DAPK1: variants seen among roughly 807,000 people sequenced by gnomAD.
DAPK1 encodes death associated protein kinase 1, also known as death-associated protein kinase 1.
In DAPK1, 56 loss-of-function variants were observed where a neutral mutation model predicts 144.9. The observed-to-expected ratio is 0.39, with a 90% CI of 0.31 to 0.48. The LOEUF (loss-of-function observed/expected upper bound fraction) is 0.48. Ranked by LOEUF, DAPK1 falls within the 20% of genes least tolerant of loss-of-function variation. DAPK1 has a pLI of 0.95. For missense variants in DAPK1, 1,454 were observed against 1,875.4 expected, an observed-to-expected ratio of 0.78 and a Z score of 4.15; for synonymous variants, 690 against 749.0, an observed-to-expected ratio of 0.92 and a Z score of 1.29.
chr9:87,668,354 G>A lies in DAPK1; in HGVS notation c.1924-243G>A, dbSNP rs36216043. 388 of 491,730 alleles carry A rather than the reference G, an allele frequency of 7.9e-4. 8 individuals carry two copies. In the East Asian group the frequency reaches 0.011, roughly 14 times the overall value. 30.5% of individuals were successfully genotyped at this position (491,730 alleles called of 1,614,324 possible). ...TAAACCTGTGGACCTGAAAGGTGTC[G>A]CTATTGGACAGGAAGACACCAACAT... On this transcript the variant is annotated intron_variant, in intron 18 of 25. Transcript: ENST00000408954.
In DAPK1 at chr9:87,697,167, T is replaced by C; in HGVS notation, c.2574T>C (p.Ser858=). 3.8e-6 allele frequency: 6 copies of C among 1,584,066 alleles called. No homozygotes were observed. Among genetic ancestry groups the C allele is most frequent in the Non-Finnish European group, 5.2e-6 (6 of 1,152,606 alleles). The change falls in exon 22 of 26, where the codon AGT becomes AGC. Residue 858 remains serine (S), a synonymous_variant. Transcript: ENST00000408954. ...IQLNQVIFWL[S]FLKSLVPVEE... ...TGAACCAAGTGATTTTCTGGCTCAG[T>C]TTCCTGAAGTCCCTTGTCCCAGTTG...
At chr9:87,637,031 A>G (rs753565892) in intron 3 of DAPK1, among the ~76,000 whole-genome samples, 1 of 152,178 alleles carries the variant, frequency 6.6e-6, no homozygotes, top group South Asian at 2.1e-4. Flanking sequence ...TACAGTCTGG[A>G]CAGAGAAATA....
chr9:87,664,145 G>A (rs1210169612), intron 18 of DAPK1, among the ~76,000 whole-genome samples: 1 of 151,986 alleles, frequency 6.6e-6, no homozygotes, highest in Non-Finnish European at 1.5e-5. Flanking sequence ...ACCTCCACCT[G>A]GGGCTCCTCT....
intron 2 of DAPK1, among the ~76,000 whole-genome samples, chr9:87,535,392 T>C (rs1032463462): frequency 3.3e-5 from 5 of 152,234 alleles, no homozygotes; most frequent in African/African-American, 1.2e-4. Context: ...CTAGTCTGTC[T>C]TTTGATATTG....
chr9:87,561,492 C>CT (rs1186266168), intron 2 of DAPK1, among the ~76,000 whole-genome samples: 3 of 151,976 alleles, frequency 2.0e-5, no homozygotes, highest in East Asian at 1.9e-4. Flanking sequence ...CACCACTGCA[C>CT]TCCAGCCTGG....
chr9:87,666,079 C>T (rs1160343578), intron 18 of DAPK1, among the ~76,000 whole-genome samples: 1 of 152,346 alleles, frequency 6.6e-6, no homozygotes, highest in African/African-American at 2.4e-5. Context: ...CTTTCCCTCT[C>T]AGACAGAAGG....
rs1456701755 is a variant in DAPK1, at chr9:87,560,635, T to C, written c.63-44319T>C. Among the ~76,000 whole-genome samples, 9 of 151,644 alleles carry C rather than the reference T, an allele frequency of 5.9e-5. No homozygotes were observed. In the East Asian group the frequency reaches 1.6e-3, roughly 26 times the overall value. Reference sequence around the variant, plus strand: ...TTCACTTAGCATGATGTCCTTGAGGTTCATCCACGTTGAGGCATGTGTCAG... The same window carrying C: ...TTCACTTAGCATGATGTCCTTGAGGCTCATCCACGTTGAGGCATGTGTCAG... On this transcript the variant is annotated intron_variant, in intron 2 of 25. Transcript: ENST00000408954.
intron 2 of DAPK1, among the ~76,000 whole-genome samples, chr9:87,588,598 T>G (rs998260753): frequency 9.2e-5 from 14 of 152,174 alleles, no homozygotes; most frequent in African/African-American, 3.4e-4. Context: ...GCATTCTTTC[T>G]CCCAACTGTG....
intron 2 of DAPK1, among the ~76,000 whole-genome samples, chr9:87,534,940 C>T (rs533685166): frequency 2.0e-5 from 3 of 152,036 alleles, no homozygotes; most frequent in South Asian, 2.1e-4. Flanking sequence ...CCACCCCGTC[C>T]GATTCTTGAT....
intron 2 of DAPK1, among the ~76,000 whole-genome samples, chr9:87,567,209 G>A (rs931982430): frequency 1.3e-5 from 2 of 152,182 alleles, no homozygotes; most frequent in Non-Finnish European, 2.9e-5. Context: ...CGTGGTGGCT[G>A]GTGCCAAGTC....
At chr9:87,683,192 C>T (rs1200892996) in intron 20 of DAPK1, among the ~76,000 whole-genome samples, 4 of 151,448 alleles carry the variant, frequency 2.6e-5, no homozygotes, top group Admixed American at 2.6e-4. Context: ...AAGTGATTCT[C>T]CTGCCTCAGC....
intron 2 of DAPK1, among the ~76,000 whole-genome samples, chr9:87,604,321 G>C (rs36207163): frequency 1.7e-3 from 258 of 152,234 alleles, no homozygotes; most frequent in African/African-American, 5.8e-3. Flanking sequence ...ATTTACAGTT[G>C]GGGGTGGAAT....
At chr9:87,551,028 C>A (rs1416875476) in intron 2 of DAPK1, among the ~76,000 whole-genome samples, 5 of 152,248 alleles carry the variant, frequency 3.3e-5, no homozygotes, top group South Asian at 2.1e-4. Flanking sequence ...TGGGTCCCCC[C>A]ACCTTGGCCA....
At chr9:87,531,743 T>C (rs7040394) in intron 2 of DAPK1, among the ~76,000 whole-genome samples, 131,753 of 152,210 alleles carry the variant, frequency 0.87, 57,051 homozygotes, top group East Asian at 0.94. Flanking sequence ...GAAAGTTCAA[T>C]TATTGTGTCT....
At chr9:87,679,881 C>T (rs1380466672) in intron 19 of DAPK1, among the ~76,000 whole-genome samples, 1 of 152,084 alleles carries the variant, frequency 6.6e-6, no homozygotes, top group East Asian at 1.9e-4. Flanking sequence ...CCATTACTGC[C>T]CTAAAGGATC....
chr9:87,542,955 T>G (rs1826107380), intron 2 of DAPK1, among the ~76,000 whole-genome samples: 1 of 152,200 alleles, frequency 6.6e-6, no homozygotes, highest in Non-Finnish European at 1.5e-5. Context: ...TAGCATGTCT[T>G]TTTACCATTA....
At chr9:87,668,026 TAAATA>T (rs1462136427) in intron 18 of DAPK1, 1 of 153,710 alleles carries the variant, frequency 6.5e-6, no homozygotes, top group East Asian at 1.9e-4. Context: ...GAAAAATCTC[TAAATA>T]AAAAGCAAGC....
Position 87,523,702 on chromosome 9 carries a change from G to A in DAPK1, c.62+24563G>A, listed in dbSNP as rs191418538. On this transcript the variant is annotated intron_variant, in intron 2 of 25. Coordinates refer to ENST00000408954, the MANE Select transcript of DAPK1 (RefSeq NM_004938.4). The stretch of plus-strand genomic sequence containing the variant: ...TGTGATTTGCCTGGAATTTATTTTC[G>A]TGTGAAGTGTGAAGTATGGCTCCAG... Among the ~76,000 whole-genome samples the A allele has an allele frequency of 2.5e-3, 373 of 152,162 alleles. 5 individuals are homozygous for A. The highest frequency in any genetic ancestry group is 1.6e-3 in the Non-Finnish European group (107 of 68,016).
intron 22 of DAPK1, among the ~76,000 whole-genome samples, chr9:87,697,514 C>CT (rs1176737329): frequency 6.6e-6 from 1 of 152,212 alleles, no homozygotes; most frequent in Non-Finnish European, 1.5e-5. Context: ...GCATTTCTCA[C>CT]TTTTTTTCTA....
Sources: gnomAD v4.1 joint callset for allele counts (sites outside exome capture counted in the v4.1 genomes callset) on GRCh38, gnomAD v4.1.1 for gene constraint, MANE v1.5 for transcripts, NCBI Gene and HGNC (gene_info 2026-07-23, HGNC 2026-07-21) for gene names.